Variants in PDE4D observed in about 807,000 individuals in gnomAD.
PDE4D encodes phosphodiesterase 4D, also known as 3',5'-cyclic-AMP phosphodiesterase 4D.
Under a neutral mutation model 87.4 loss-of-function variants are expected in PDE4D, and 24 were observed. The observed-to-expected ratio is 0.27, with a 90% CI of 0.20 to 0.39. PDE4D has a LOEUF of 0.39. PDE4D is among the 10% of genes least tolerant of loss of function. The pLI, the probability that PDE4D is intolerant of heterozygous loss-of-function variation, is 1.00. For synonymous variants in PDE4D, 384 were observed against 383.2 expected (o/e 1.00, Z -0.02); for missense variants, 714 against 1,041.0 (o/e 0.69, Z 4.32).
At chr5:60,025,446 A>T (rs1766526051) in intron 2 of PDE4D, among the ~76,000 whole-genome samples, 1 of 152,206 alleles carries the variant, frequency 6.6e-6, no homozygotes, top group Non-Finnish European at 1.5e-5. Flanking sequence ...CTCCAAGTAA[A>T]GCAGACATAG....
At chr5:59,831,869 G>A (rs1362778451) in intron 1 of PDE4D, among the ~76,000 whole-genome samples, 2 of 152,050 alleles carry the variant, frequency 1.3e-5, no homozygotes. Context: ...CAGATAAAAA[G>A]AAGAGCTTTG....
In PDE4D at chr5:60,258,153, G is replaced by C. The variant is rs374297309; in HGVS notation, c.-89-72466C>G. ...CATTGCAAAACAGTCCACAGAACAA[G>C]CTACTCCAGCTGCCTGCCGATGGTG... On this transcript the variant is annotated intron_variant, in intron 1 of 16. Coordinates refer to the PDE4D transcript ENST00000502484. Among the ~76,000 whole-genome samples the C allele has an allele frequency of 2.2e-4, 33 of 152,028 alleles. No homozygotes were observed. In the South Asian group the frequency reaches 6.8e-3, roughly 31 times the overall value.
chr5:59,716,962 T>G (rs951059944), intron 1 of PDE4D, among the ~76,000 whole-genome samples: 1 of 152,200 alleles, frequency 6.6e-6, no homozygotes. Flanking sequence ...TTCTGAAAGA[T>G]TGTCATGGAT....
intron 2 of PDE4D, among the ~76,000 whole-genome samples, chr5:60,159,266 G>C (rs1562165726): frequency 6.6e-6 from 1 of 151,832 alleles, no homozygotes; most frequent in African/African-American, 2.4e-5. Context: ...CCTTCTTCTG[G>C]AACACCTCCT....
chr5:59,387,716 A>T (rs1344374906), intron 1 of PDE4D, among the ~76,000 whole-genome samples: 1 of 152,166 alleles, frequency 6.6e-6, no homozygotes, highest in Non-Finnish European at 1.5e-5. Context: ...TTTTATTTAC[A>T]TAGATGTATA....
intron 5 of PDE4D, among the ~76,000 whole-genome samples, chr5:59,156,107 T>A (rs1175789488): frequency 6.6e-6 from 1 of 151,812 alleles, no homozygotes; most frequent in East Asian, 1.9e-4. Flanking sequence ...CTTGAAGTGA[T>A]GTGGGATTAT....
At chr5:60,177,008 G>T (rs945302280) in intron 2 of PDE4D, among the ~76,000 whole-genome samples, 1 of 152,094 alleles carries the variant, frequency 6.6e-6, no homozygotes, top group Non-Finnish European at 1.5e-5. Context: ...AAGCAGAAAG[G>T]ACTGGGTTTG....
At chr5:59,513,192 A>G (rs1810557991) in intron 1 of PDE4D, among the ~76,000 whole-genome samples, 1 of 152,086 alleles carries the variant, frequency 6.6e-6, no homozygotes, top group Non-Finnish European at 1.5e-5. Context: ...TTTTTCTTAG[A>G]AGGATTTAAT....
chr5:60,041,117 A>AT (rs1444619355), intron 2 of PDE4D, among the ~76,000 whole-genome samples: 1 of 152,158 alleles, frequency 6.6e-6, no homozygotes, highest in African/African-American at 2.4e-5. Context: ...ACTGCTCCAA[A>AT]TTTTTATTTT....
chr5:58,977,053 G>A (rs1743993438), intron 12 of PDE4D, 138 bp downstream of exon 12: 1 of 723,388 alleles, frequency 1.4e-6, no homozygotes. Flanking sequence ...CAGCATCACG[G>A]GCAGCTTCTA....
chr5:60,440,310 T>C (rs188838713), intron 1 of PDE4D, among the ~76,000 whole-genome samples: 54 of 152,254 alleles, frequency 3.5e-4, no homozygotes, highest in Admixed American at 2.7e-3. Flanking sequence ...ACATTTATGT[T>C]TGGAGAACTT....
At chr5:60,348,450 TA>T (rs137871915) in intron 1 of PDE4D, among the ~76,000 whole-genome samples, 3 of 151,854 alleles carry the variant, frequency 2.0e-5, no homozygotes, top group Non-Finnish European at 4.4e-5. Context: ...ACTCAAATTT[TA>T]AAAAAAACTC....
intron 5 of PDE4D, chr5:59,180,235 AAAT>A (rs1741181086): frequency 7.8e-6 from 3 of 385,826 alleles, no homozygotes; most frequent in Non-Finnish European, 1.5e-5. Flanking sequence ...TTATTAAACT[AAAT>A]GATGACATAT....
intron 5 of PDE4D, among the ~76,000 whole-genome samples, chr5:59,099,797 C>T (rs1023516225): frequency 6.6e-6 from 1 of 151,908 alleles, no homozygotes; most frequent in African/African-American, 2.4e-5. Context: ...TTGCTCTTAC[C>T]TCTTATCTCT....
At chr5:59,651,723 G>T (rs1196800841) in intron 1 of PDE4D, among the ~76,000 whole-genome samples, 1 of 151,994 alleles carries the variant, frequency 6.6e-6, no homozygotes, top group Admixed American at 6.6e-5. Flanking sequence ...TATTTTTGGA[G>T]AAGCACTAGA....
At chr5:60,318,397 T>A (rs1414151434) in intron 1 of PDE4D, among the ~76,000 whole-genome samples, 1 of 152,198 alleles carries the variant, frequency 6.6e-6, no homozygotes, top group Non-Finnish European at 1.5e-5. Context: ...TGAGATGGGT[T>A]TCCTGAATAT....
chr5:59,783,030 T>A (rs1764782836), intron 1 of PDE4D, among the ~76,000 whole-genome samples: 1 of 152,210 alleles, frequency 6.6e-6, no homozygotes, highest in South Asian at 2.1e-4. Context: ...GATGTGTTAA[T>A]GTATTACTCC....
chr5:59,362,775 G>T (rs886680489), intron 1 of PDE4D, among the ~76,000 whole-genome samples: 2 of 152,134 alleles, frequency 1.3e-5, no homozygotes, highest in African/African-American at 4.8e-5. Context: ...ATAAGCAAAA[G>T]CAGTGATGAA....
At chr5:60,096,118 T>C (rs539372129) in intron 2 of PDE4D, among the ~76,000 whole-genome samples, 2 of 152,282 alleles carry the variant, frequency 1.3e-5, no homozygotes, top group South Asian at 4.1e-4. Context: ...TTTGTCAATT[T>C]TGGCTTTTGT....
Sources: allele counts gnomAD v4.1 joint callset (sites outside exome capture counted in the v4.1 genomes callset), GRCh38; gene constraint gnomAD v4.1.1; transcripts MANE v1.5; gene names NCBI Gene and HGNC (gene_info 2026-07-23, HGNC 2026-07-21).